TGIF1: variants seen among roughly 807,000 people sequenced by gnomAD.
TGIF1 encodes the protein TGFB induced factor homeobox 1.
A neutral mutation model predicts 19.3 loss-of-function variants in TGIF1; 4 were observed. The observed-to-expected ratio is 0.21, with a 90% confidence interval of 0.10 to 0.47. TGIF1 has a LOEUF of 0.47. Ranked by LOEUF, TGIF1 falls within the 20% of genes least tolerant of loss-of-function variation. The probability of loss-of-function intolerance (pLI) is 0.98; values close to 1 mark genes in which losing one functional copy is unlikely to be tolerated. For missense variants in TGIF1, 275 were observed against 341.4 expected, an observed-to-expected ratio of 0.81 and a Z score of 1.53; for synonymous variants, 122 against 129.3, an observed-to-expected ratio of 0.94 and a Z score of 0.38.
intron 2 of TGIF1, among the ~76,000 whole-genome samples, chr18:3,428,599 T>C (rs1017994427): frequency 6.6e-6 from 1 of 151,952 alleles, no homozygotes; most frequent in East Asian, 1.9e-4. Context: ...TATCCGGGCA[T>C]GGTGGCACGC....
intron 2 of TGIF1, among the ~76,000 whole-genome samples, chr18:3,440,594 C>T (rs1174609293): frequency 2.0e-5 from 3 of 152,142 alleles, no homozygotes; most frequent in Non-Finnish European, 4.4e-5. Flanking sequence ...CTTTCCGCCC[C>T]GATTAGAAAG....
At chr18:3,449,607 TGCGCC>T (rs1393606991), upstream of TGIF1, 5 of 945,884 alleles carry the variant, frequency 5.3e-6, no homozygotes, top group Non-Finnish European at 6.1e-6. Flanking sequence ...AGGAGAAGGG[TGCGCC>T]GCGCCGCGCC....
intron 1 of TGIF1, chr18:3,452,336 C>A: frequency 2.5e-6 from 4 of 1,613,322 alleles, no homozygotes; most frequent in Admixed American, 1.7e-5. Flanking sequence ...CATCCCAGGG[C>A]GCACAGGGTC....
At chr18:3,419,853 A>C (rs900238315) in intron 2 of TGIF1, among the ~76,000 whole-genome samples, 14 of 152,108 alleles carry the variant, frequency 9.2e-5, no homozygotes, top group African/African-American at 3.4e-4. Flanking sequence ...TAAAAATACA[A>C]AAATTAGCTG....
At chr18:3,446,054 ATAAC>A (rs1041597502), upstream of TGIF1, among the ~76,000 whole-genome samples, 18 of 152,212 alleles carry the variant, frequency 1.2e-4, no homozygotes, top group Admixed American at 5.2e-4. Context: ...TTTAAAAAAA[ATAAC>A]TAACATCACT....
intron 2 of TGIF1, chr18:3,418,711 C>T (rs991156257): frequency 2.6e-5 from 4 of 152,110 alleles, no homozygotes; most frequent in African/African-American, 9.7e-5. Context: ...AGGATTATTA[C>T]TAAAGATGAG....
chr18:3,422,321 A>AT (rs2082410878), intron 2 of TGIF1, among the ~76,000 whole-genome samples: 1 of 145,414 alleles, frequency 6.9e-6, no homozygotes, highest in Non-Finnish European at 1.5e-5. Flanking sequence ...AAAAAAAAAA[A>AT]TTTGATAGAA....
At chr18:3,437,100 A>G (rs1198224400) in intron 2 of TGIF1, among the ~76,000 whole-genome samples, 1 of 152,102 alleles carries the variant, frequency 6.6e-6, no homozygotes, top group Non-Finnish European at 1.5e-5. Flanking sequence ...GCAGGACTCC[A>G]TCTCAAAAAT....
At chr18:3,452,040 G>T (rs752287220) in intron 1 of TGIF1, 3 of 1,612,676 alleles carry the variant, frequency 1.9e-6, no homozygotes, top group Non-Finnish European at 1.7e-6. Flanking sequence ...TTCGGGCTCC[G>T]GCGGGGGCGG....
At position 3,450,181 on chromosome 18, in the gene TGIF1, G is replaced by A. The variant is rs1055368652; in HGVS notation, c.-309G>A. The A allele has an allele frequency of 4.4e-5, 58 of 1,332,030 alleles. No individual in the cohort carries two copies. Among genetic ancestry groups the A allele is most frequent in the Middle Eastern group, 2.9e-4 (1 of 3,462 alleles). The allele number at this position is 1,332,030 out of a possible 1,614,324, so 82.5% of individuals were successfully genotyped here. A position where few individuals can be genotyped will look rare whatever the true frequency, so the allele number is the denominator to read the frequency against. ...CCTCCTCGCCTCTCTCACTCTGACA[G>A]CGCCGAGGTGCGCCGAGCAGGAGCA... On this transcript the variant is annotated 5_prime_UTR_variant, in exon 1 of 3. Coordinates refer to ENST00000343820, the MANE Select transcript of TGIF1 (RefSeq NM_003244.4).
At chr18:3,436,687 C>G (rs1434760101) in intron 2 of TGIF1, among the ~76,000 whole-genome samples, 1 of 151,490 alleles carries the variant, frequency 6.6e-6, no homozygotes, top group Non-Finnish European at 1.5e-5. Flanking sequence ...GTTGTGGTGT[C>G]GCACTCCTGT....
rs2082952865 is a variant in TGIF1 at position 3,451,901 on chromosome 18, G to A, written c.16+1396G>A. ...GTGAAAGCCGTGCCGACCCTTGGGA[G>A]GACTGACAGGTCTAGAGACACGCGC... On this transcript the variant is annotated intron_variant, in intron 1 of 2. Transcript: ENST00000343820. The surrounding 1 kb of genome is among the most constrained non-coding windows in gnomAD (Gnocchi z 5.4). The A allele has an allele frequency of 1.3e-6, 2 of 1,498,306 alleles. No individual in the cohort carries two copies. Among genetic ancestry groups the A allele is most frequent in the Non-Finnish European group, 8.9e-7 (1 of 1,124,826 alleles). 92.8% of individuals were successfully genotyped at this position (1,498,306 alleles called of 1,614,324 possible).
At chr18:3,425,709 A>G (rs2143160840) in intron 2 of TGIF1, among the ~76,000 whole-genome samples, 1 of 152,046 alleles carries the variant, frequency 6.6e-6, no homozygotes, top group South Asian at 2.1e-4. Context: ...TGCCTACCAA[A>G]CTATCCTTGA....
chr18:3,427,602 C>G (rs991670307), intron 2 of TGIF1, among the ~76,000 whole-genome samples: 67 of 137,418 alleles, frequency 4.9e-4, no homozygotes, highest in African/African-American at 1.8e-3. Context: ...AGAATATATT[C>G]TTTTTTTTTT....
In TGIF1 at chr18:3,413,650, A is replaced by C. The variant is rs376842802; in HGVS notation, c.-118+1396A>C. ...TTTGGGATGCCAAGGCGGGAGGATC[A>C]CTTGAACTCGGGAGTTCAAGACCAG... On this transcript the variant is annotated intron_variant, in intron 1 of 3. Transcript: ENST00000401449. Among the ~76,000 whole-genome samples the C allele has an allele frequency of 7.9e-5, 12 of 152,134 alleles. No individual in the cohort carries two copies. In the East Asian group the frequency reaches 2.1e-3, roughly 27 times the overall value.
upstream of TGIF1, among the ~76,000 whole-genome samples, chr18:3,445,617 G>A (rs1452599940): frequency 1.3e-5 from 2 of 150,208 alleles, no homozygotes; most frequent in African/African-American, 4.9e-5. Flanking sequence ...CCAGCTACTC[G>A]GGAGGCTGAG....
At chr18:3,441,626 T>C (rs996950362) in intron 2 of TGIF1, among the ~76,000 whole-genome samples, 1 of 152,342 alleles carries the variant, frequency 6.6e-6, no homozygotes, top group Admixed American at 6.5e-5. Context: ...GAACCACTAT[T>C]CTAGAATATA....
At position 3,450,257 on chromosome 18, in the gene TGIF1, C is replaced by A; in HGVS notation, c.-233C>A. On this transcript the variant is annotated 5_prime_UTR_variant, in exon 1 of 3. Coordinates refer to ENST00000343820, the MANE Select transcript of TGIF1 (RefSeq NM_003244.4). ...GGGAGAGAGTTGGGCGAGGGAGAGC[C>A]CCCGGCCGGCTGCCAGAAGATCCCG... 7.0e-7 allele frequency: 1 copy of A among 1,430,796 alleles called. No individual in the cohort carries two copies. The highest frequency in any genetic ancestry group is 9.1e-7 in the Non-Finnish European group (1 of 1,096,504). 88.6% of individuals were successfully genotyped at this position (1,430,796 alleles called of 1,614,324 possible).
Position 3,458,196 on chromosome 18 carries a change from A to C in TGIF1, c.*256A>C. The stretch of plus-strand genomic sequence containing the variant: ...TTCATAATGTGAGATGGTTCCCAAT[A>C]TCATGTGATTTTTTTTTTCCTCCCC... On this transcript the variant is annotated 3_prime_UTR_variant, in exon 3 of 3. Coordinates refer to ENST00000343820, the MANE Select transcript of TGIF1 (RefSeq NM_003244.4). The C allele has an allele frequency of 2.2e-6, 1 of 448,618 alleles. No individual in the cohort carries two copies. The highest frequency in any genetic ancestry group is 4.0e-5 in the Admixed American group (1 of 25,276). 27.8% of individuals were successfully genotyped at this position (448,618 alleles called of 1,614,324 possible). A position where few individuals can be genotyped will look rare whatever the true frequency, so the allele number is the denominator to read the frequency against.
Sources: gnomAD v4.1 joint callset for allele counts (sites outside exome capture counted in the v4.1 genomes callset) on GRCh38, gnomAD v4.1.1 for gene constraint, Gnocchi (gnomAD v3.1) non-coding constraint, MANE v1.5 for transcripts, NCBI Gene and HGNC (gene_info 2026-07-23, HGNC 2026-07-21) for gene names.